Variants in ADAM32 observed in about 807,000 individuals in gnomAD.
ADAM32 encodes the protein ADAM metallopeptidase domain 32.
A neutral mutation model predicts 114.9 loss-of-function variants in ADAM32; 89 were observed. The observed-to-expected ratio is 0.77, with a 90% CI of 0.65 to 0.92. The LOEUF is 0.92. Ranked by LOEUF, ADAM32 falls within the 40% of genes least tolerant of loss-of-function variation. ADAM32 has a pLI of 0.00. For synonymous variants in ADAM32, 285 were observed against 307.5 expected, an observed-to-expected ratio of 0.93 and a Z score of 0.77; for missense variants, 870 against 932.8, an observed-to-expected ratio of 0.93 and a Z score of 0.88.
At chr8:39,203,939 T>G (rs577016372) in intron 11 of ADAM32, among the ~76,000 whole-genome samples, 2 of 152,300 alleles carry the variant, frequency 1.3e-5, no homozygotes, top group South Asian at 4.1e-4. Context: ...TTCTTTTCTT[T>G]AAGAATGTTG....
chr8:39,140,535 T>G (rs182132440), intron 3 of ADAM32, among the ~76,000 whole-genome samples: 2 of 152,336 alleles, frequency 1.3e-5, no homozygotes, highest in East Asian at 3.9e-4. Flanking sequence ...CTTTTTGATG[T>G]GCTGCTGGAT....
chr8:39,155,175 G>A (rs1385324308), intron 6 of ADAM32, among the ~76,000 whole-genome samples: 1 of 152,224 alleles, frequency 6.6e-6, no homozygotes, highest in Non-Finnish European at 1.5e-5. Context: ...ACAAGACAAA[G>A]ATGCCCTCTG....
At chr8:39,262,853 G>A (rs529581419) in intron 19 of ADAM32, among the ~76,000 whole-genome samples, 53 of 152,072 alleles carry the variant, frequency 3.5e-4, no homozygotes, top group African/African-American at 1.2e-3. Context: ...CAACAGGTGC[G>A]TGCCACCATG....
chr8:39,107,531 T>G (rs1348152856), upstream of ADAM32: 2 of 1,128,006 alleles, frequency 1.8e-6, no homozygotes, highest in Non-Finnish European at 2.4e-6. Context: ...GGGTGGTCAG[T>G]GGCTCCAGCA....
At chr8:39,183,297 C>T (rs1357702535) in intron 10 of ADAM32, among the ~76,000 whole-genome samples, 1 of 152,154 alleles carries the variant, frequency 6.6e-6, no homozygotes, top group Non-Finnish European at 1.5e-5. Context: ...GCCCTACCAG[C>T]ACTCCCAGTG....
chr8:39,156,435 G>T (rs1804154912), intron 6 of ADAM32, among the ~76,000 whole-genome samples: 1 of 152,186 alleles, frequency 6.6e-6, no homozygotes, highest in South Asian at 2.1e-4. Context: ...GTAAGCCACT[G>T]CACCCAGCTA....
chr8:39,231,796 C>T (rs1809750372), intron 14 of ADAM32, among the ~76,000 whole-genome samples: 1 of 152,084 alleles, frequency 6.6e-6, no homozygotes, highest in Non-Finnish European at 1.5e-5. Flanking sequence ...TACCATCTCC[C>T]TTCCACCTAT....
intron 12 of ADAM32, among the ~76,000 whole-genome samples, chr8:39,213,997 ATGT>A (rs376028050): frequency 3.9e-5 from 6 of 152,200 alleles, no homozygotes; most frequent in African/African-American, 1.4e-4. Flanking sequence ...AGTTCCATCC[ATGT>A]TGCAAATGAC....
intron 5 of ADAM32, among the ~76,000 whole-genome samples, chr8:39,150,817 C>G (rs984538715): frequency 6.6e-6 from 1 of 152,130 alleles, no homozygotes; most frequent in Non-Finnish European, 1.5e-5. Flanking sequence ...CTTATTCAGA[C>G]TATATAAGCA....
At chr8:39,188,559 A>C (rs1207839715) in intron 11 of ADAM32, among the ~76,000 whole-genome samples, 3 of 152,172 alleles carry the variant, frequency 2.0e-5, no homozygotes, top group African/African-American at 4.8e-5. Flanking sequence ...CATTGTACTT[A>C]CTATGTTCTA....
intron 18 of ADAM32, 149 bp from the exon 19 acceptor site, chr8:39,257,038 G>T: frequency 2.2e-6 from 2 of 901,728 alleles, no homozygotes; most frequent in South Asian, 4.3e-5. Context: ...TAGCCCCAAG[G>T]ATTATGATTA....
At chr8:39,161,449 C>T (rs960819286) in intron 7 of ADAM32, among the ~76,000 whole-genome samples, 4 of 152,146 alleles carry the variant, frequency 2.6e-5, no homozygotes, top group Non-Finnish European at 4.4e-5. Context: ...CCATTGTTTA[C>T]CTGTTGAAAA....
At position 39,231,940 on chromosome 8, in the gene ADAM32, G is replaced by A. The variant is rs1585599856; in HGVS notation, c.1526-87G>A. 2.9e-6 allele frequency: 3 copies of A among 1,045,458 alleles called. No homozygotes were observed. In the East Asian group the frequency reaches 7.4e-5, roughly 26 times the overall value. The allele number at this position is 1,045,458 out of a possible 1,614,324, so 64.8% of individuals were successfully genotyped here. On this transcript the variant is annotated intron_variant, in intron 14 of 24. Transcript: ENST00000379907. ...AATGTTTCAATTAGATATTAATGGAGAGATAAAGGGAATATTATATGAAGA... is the reference window on the plus strand; with the variant it reads ...AATGTTTCAATTAGATATTAATGGAAAGATAAAGGGAATATTATATGAAGA...
chr8:39,284,401 G>A (rs949250876), intron 24 of ADAM32, among the ~76,000 whole-genome samples: 31 of 134,806 alleles, frequency 2.3e-4, no homozygotes, highest in African/African-American at 9.8e-4. Flanking sequence ...ACACACACAC[G>A]TACACACACA....
At chr8:39,165,283 C>T in intron 9 of ADAM32, 87 bp downstream of exon 9, 3 of 995,810 alleles carry the variant, frequency 3.0e-6, no homozygotes, top group Non-Finnish European at 4.1e-6. Flanking sequence ...TTATTCATTT[C>T]TGAATATCCA....
intron 2 of ADAM32, among the ~76,000 whole-genome samples, chr8:39,126,911 C>T (rs553905454): frequency 2.9e-4 from 44 of 152,300 alleles, no homozygotes; most frequent in African/African-American, 9.9e-4. Flanking sequence ...GCCTTTTCTG[C>T]ATCTATTGAG....
chr8:39,155,461 G>T (rs1258316164), intron 6 of ADAM32, among the ~76,000 whole-genome samples: 2 of 152,216 alleles, frequency 1.3e-5, no homozygotes, highest in Non-Finnish European at 2.9e-5. Context: ...GGCCAAACAT[G>T]TGAGGCTTCC....
At chr8:39,171,433 C>T (rs1161627610) in intron 10 of ADAM32, among the ~76,000 whole-genome samples, 2 of 152,096 alleles carry the variant, frequency 1.3e-5, no homozygotes, top group African/African-American at 4.8e-5. Context: ...TCTTCTACTT[C>T]GTGTGTTTCT....
chr8:39,261,316 G>GT (rs1048711339), intron 19 of ADAM32, among the ~76,000 whole-genome samples: 6 of 152,072 alleles, frequency 3.9e-5, no homozygotes, highest in African/African-American at 1.4e-4. Flanking sequence ...AGAACATGCA[G>GT]TGTTTAAGTT....
Sources: allele counts gnomAD v4.1 joint callset (sites outside exome capture counted in the v4.1 genomes callset), GRCh38; gene constraint gnomAD v4.1.1; transcripts MANE v1.5; gene names NCBI Gene and HGNC (gene_info 2026-07-23, HGNC 2026-07-21).